Variants in SNX30 observed in about 807,000 individuals in gnomAD.
SNX30 encodes sorting nexin-30.
A neutral mutation model predicts 46.4 loss-of-function variants in SNX30; 24 were observed. The observed-to-expected ratio is 0.52, with a 90% confidence interval of 0.37 to 0.73. SNX30 has a LOEUF of 0.73. Ranked by LOEUF, SNX30 falls within the 30% of genes least tolerant of loss-of-function variation. SNX30 has a pLI of 0.00. For missense variants in SNX30, 533 were observed against 555.7 expected (o/e 0.96, Z 0.41); for synonymous variants, 189 against 211.5 (o/e 0.89, Z 0.92).
intron 1 of SNX30, among the ~76,000 whole-genome samples, chr9:112,757,664 G>A (rs1431899694): frequency 6.6e-6 from 1 of 152,048 alleles, no homozygotes; most frequent in African/African-American, 2.4e-5. Context: ...ATTTTGTCTT[G>A]CTTTCCCGTC....
At chr9:112,755,669 G>A (rs1367369231) in intron 1 of SNX30, among the ~76,000 whole-genome samples, 1 of 151,600 alleles carries the variant, frequency 6.6e-6, no homozygotes, top group African/African-American at 2.4e-5. Context: ...AAACTAGATA[G>A]AGGAAAATAA....
At chr9:112,882,587 G>A (rs1387417979), downstream of SNX30, among the ~76,000 whole-genome samples, 1 of 152,164 alleles carries the variant, frequency 6.6e-6, no homozygotes, top group African/African-American at 2.4e-5. Context: ...AGTCATCCAG[G>A]TGCTCTGGAT....
chr9:112,841,561 C>T (rs900191712), intron 6 of SNX30, among the ~76,000 whole-genome samples: 1 of 152,114 alleles, frequency 6.6e-6, no homozygotes, highest in Admixed American at 6.5e-5. Flanking sequence ...GCTCTATCCC[C>T]GATAGTAGCT....
chr9:112,775,353 C>T (rs1839726367), intron 1 of SNX30, among the ~76,000 whole-genome samples: 1 of 151,440 alleles, frequency 6.6e-6, no homozygotes, highest in African/African-American at 2.4e-5. Context: ...TGGGGTTTCT[C>T]CATGTTGGTC....
chr9:112,764,882 C>G (rs1198100221), intron 1 of SNX30, among the ~76,000 whole-genome samples: 1 of 152,218 alleles, frequency 6.6e-6, no homozygotes, highest in Non-Finnish European at 1.5e-5. Context: ...GCTTTATTCT[C>G]TCAGACTAAC....
intron 1 of SNX30, among the ~76,000 whole-genome samples, chr9:112,789,079 C>T (rs564641713): frequency 4.6e-5 from 7 of 152,254 alleles, no homozygotes; most frequent in Admixed American, 1.3e-4. Context: ...TACATGAGTG[C>T]GCCACTGCAC....
At chr9:112,866,932 CACCTCCTCAGAATTCCTCCT>C (rs1841358723) in intron 8 of SNX30, among the ~76,000 whole-genome samples, 1 of 139,886 alleles carries the variant, frequency 7.1e-6, no homozygotes, top group Non-Finnish European at 1.5e-5. Flanking sequence ...GAACTCCTCC[CACCTCCTCAGAATTCCTCCT>C]CCCTCCTCAG....
chr9:112,816,045 A>G (rs976759707), intron 2 of SNX30, among the ~76,000 whole-genome samples: 3 of 151,988 alleles, frequency 2.0e-5, no homozygotes, highest in African/African-American at 4.8e-5. Context: ...GGGTCTCGCT[A>G]TGTTGCCCAG....
intron 6 of SNX30, among the ~76,000 whole-genome samples, chr9:112,847,256 C>T (rs1347020773): frequency 6.6e-6 from 1 of 151,004 alleles, no homozygotes; most frequent in Non-Finnish European, 1.5e-5. Flanking sequence ...CCCAGCCGTC[C>T]CGTGCGTATC....
chr9:112,793,387 G>A (rs1367110030), intron 1 of SNX30, among the ~76,000 whole-genome samples: 2 of 152,158 alleles, frequency 1.3e-5, no homozygotes, highest in African/African-American at 4.8e-5. Flanking sequence ...TCATGCGGGG[G>A]GAGAAGGCCA....
Position 112,809,964 on chromosome 9 carries a change from G to A in SNX30, c.348+4997G>A, listed in dbSNP as rs551628987. ...GTAGAGAAGAAGGCATTAGGTTGAA[G>A]ATTGGAGAGTAGGATGGAGGCTCCT... On this transcript the variant is annotated intron_variant, in intron 2 of 8. Transcript: ENST00000374232. Among the ~76,000 whole-genome samples the A allele has an allele frequency of 2.5e-4, 38 of 152,268 alleles. No individual in the cohort carries two copies. In the South Asian group the frequency reaches 7.9e-3, roughly 32 times the overall value.
At chr9:112,754,167 C>T (rs1205762386) in intron 1 of SNX30, among the ~76,000 whole-genome samples, 4 of 152,082 alleles carry the variant, frequency 2.6e-5, no homozygotes, top group Non-Finnish European at 5.9e-5. Context: ...TTCTGAGGGC[C>T]CAAGATGGTG....
At position 112,871,672 on chromosome 9, in the gene SNX30, A is replaced by G. The variant is rs763479493; in HGVS notation, c.*2829A>G. 1 of 152,188 alleles carries G rather than the reference A, an allele frequency of 6.6e-6. No homozygotes were observed. The highest frequency in any genetic ancestry group is 1.5e-5 in the Non-Finnish European group (1 of 68,046). The allele number at this position is 152,188 out of a possible 1,614,324, so 9.4% of individuals were successfully genotyped here. A position where few individuals can be genotyped will look rare whatever the true frequency, so the allele number is the denominator to read the frequency against. ...CCTAGCAGCCGCCCCAGGCCTGGAA[A>G]GTGGGAGATTTCATTCGCCCGGGTT... On this transcript the variant is annotated 3_prime_UTR_variant, in exon 9 of 9. Coordinates refer to ENST00000374232, the MANE Select transcript of SNX30 (RefSeq NM_001012994.2).
intron 1 of SNX30, among the ~76,000 whole-genome samples, chr9:112,751,371 C>T (rs1174083918): frequency 6.6e-6 from 1 of 152,208 alleles, no homozygotes; most frequent in African/African-American, 2.4e-5. Flanking sequence ...CTGCCTGTGA[C>T]TGGTCGCAAG....
At chr9:112,875,615 A>G (rs1162134050), downstream of SNX30, among the ~76,000 whole-genome samples, 2 of 152,228 alleles carry the variant, frequency 1.3e-5, no homozygotes, top group African/African-American at 2.4e-5. Flanking sequence ...CGATAGGACT[A>G]GCAATATGGT....
chr9:112,834,842 A>AC (rs1564285695), intron 4 of SNX30, among the ~76,000 whole-genome samples: 28 of 107,418 alleles, frequency 2.6e-4, no homozygotes, highest in South Asian at 1.1e-3. Context: ...ACACACACAC[A>AC]AACACACACA....
At chr9:112,776,954 C>T (rs1006252745) in intron 1 of SNX30, among the ~76,000 whole-genome samples, 5 of 152,142 alleles carry the variant, frequency 3.3e-5, no homozygotes, top group African/African-American at 1.2e-4. Flanking sequence ...CTCCACAGTC[C>T]TTTGCTCACC....
chr9:112,777,090 T>C (rs772683015), intron 1 of SNX30, among the ~76,000 whole-genome samples: 4 of 152,220 alleles, frequency 2.6e-5, no homozygotes, highest in Admixed American at 1.3e-4. Flanking sequence ...ACTGACCTTT[T>C]AGGTTTTGGT....
intron 8 of SNX30, among the ~76,000 whole-genome samples, chr9:112,867,103 A>C (rs1841366020): frequency 7.2e-6 from 1 of 138,522 alleles, no homozygotes; most frequent in Admixed American, 7.5e-5. Flanking sequence ...CCCTCCTCAG[A>C]ACTCCTCCCA....
Sources: allele counts gnomAD v4.1 joint callset (sites outside exome capture counted in the v4.1 genomes callset), GRCh38; gene constraint gnomAD v4.1.1; transcripts MANE v1.5; gene names NCBI Gene and HGNC (gene_info 2026-07-23, HGNC 2026-07-21).